The following NEK10 variants were observed in gnomAD, a reference collection of about 807,000 sequenced individuals.
The protein encoded by NEK10 is NIMA related kinase 10.
In NEK10, 122 loss-of-function variants were observed where a neutral mutation model predicts 159.8. That is an observed-to-expected ratio of 0.76 (90% CI 0.66 to 0.89). The LOEUF (loss-of-function observed/expected upper bound fraction) is 0.89. NEK10 is among the 40% of genes least tolerant of loss of function. The pLI, the probability that NEK10 is intolerant of heterozygous loss-of-function variation, is 0.00. For missense variants in NEK10, 1,342 were observed against 1,323.1 expected (o/e 1.01, Z -0.22); for synonymous variants, 466 against 457.1 (o/e 1.02, Z -0.25).
At chr3:27,261,021 A>T (rs2040364338) in intron 22 of NEK10, among the ~76,000 whole-genome samples, 1 of 152,270 alleles carries the variant, frequency 6.6e-6, no homozygotes, top group African/African-American at 2.4e-5. Flanking sequence ...AGGTGTTTAT[A>T]GTATTCTCTG....
rs1255337600 is a variant in NEK10, at chr3:27,301,710, A to G, written c.1154T>C (p.Phe385Ser). Residue 385 changes from phenylalanine to serine, a missense_variant, in exon 13 of 36, where the codon TTC becomes TCC. Transcript: ENST00000691995. ...AACATAAATACCTGCTTGAAGTGAG[A>G]AAGTATTTTCTTGTATTTCCCTAGG... ...LSPREIQENT[F>S]SLQAACCAAL... The G allele has an allele frequency of 3.2e-6, 5 of 1,568,776 alleles. No individual in the cohort carries two copies. The South Asian group carries it at 5.8e-5, about 18-fold the overall frequency.
At chr3:27,218,825 A>G (rs1014371922) in intron 23 of NEK10, among the ~76,000 whole-genome samples, 7 of 152,008 alleles carry the variant, frequency 4.6e-5, no homozygotes, top group Admixed American at 1.3e-4. Context: ...AAAAGCACTC[A>G]GCTAGGAACA....
intron 33 of NEK10, among the ~76,000 whole-genome samples, chr3:27,117,814 C>T (rs185679108): frequency 7.2e-5 from 11 of 152,192 alleles, no homozygotes; most frequent in Middle Eastern, 3.4e-3. Context: ...TGTGCAGAAG[C>T]TCTTTAATTA....
rs1470117093 is a variant in NEK10 at position 27,174,770 on chromosome 3, G to A, written c.2569C>T (p.Leu857Phe). Reference sequence around the variant, plus strand: ...GGGGGCAGGTCTGCGCTTTCTGAAAGTTCACTTTTCAGGCTGGCTGCTCCA... The same window carrying A: ...GGGGGCAGGTCTGCGCTTTCTGAAAATTCACTTTTCAGGCTGGCTGCTCCA... The part of the protein sequence containing the change: ...SSGAASLKSE[L>F]SESADLPPEG... The change falls in exon 27 of 36, where the codon CTT becomes TTT. Residue 857 changes from leucine (L) to phenylalanine (F), a missense_variant. Leu to Phe is a conservative substitution (Grantham distance 22). Transcript: ENST00000691995. The A allele has an allele frequency of 1.9e-6, 3 of 1,612,572 alleles. No individual in the cohort carries two copies. Among genetic ancestry groups the A allele is most frequent in the Non-Finnish European group, 1.7e-6 (2 of 1,179,520 alleles).
At chr3:27,312,632 C>T (rs1308184672) in intron 7 of NEK10, among the ~76,000 whole-genome samples, 1 of 152,052 alleles carries the variant, frequency 6.6e-6, no homozygotes, top group African/African-American at 2.4e-5. Flanking sequence ...ATGCAGTTAG[C>T]AATAATCAGA....
chr3:27,274,451 TAATGGG>T (rs1197144198), intron 22 of NEK10, among the ~76,000 whole-genome samples: 1 of 152,126 alleles, frequency 6.6e-6, no homozygotes, highest in Non-Finnish European at 1.5e-5. Flanking sequence ...TATCTGGGGT[TAATGGG>T]AAGTAAACCA....
At position 27,358,832 on chromosome 3, in the gene NEK10, A is replaced by C. The variant is rs145375578; in HGVS notation, c.-37-5913T>G. On this transcript the variant is annotated intron_variant, in intron 1 of 35. Coordinates refer to ENST00000691995, the MANE Select transcript of NEK10 (RefSeq NM_001394966.1). ...AATCCACAAATATCTTTTTTTTCCT[A>C]CTAATCACTCAGGTTGCATCTTTGT... Among the ~76,000 whole-genome samples the C allele has an allele frequency of 1.9e-3, 293 of 152,236 alleles. 1 individual carries two copies. The highest frequency in any genetic ancestry group is 7.6e-4 in the Non-Finnish European group (52 of 68,012).
intron 23 of NEK10, among the ~76,000 whole-genome samples, chr3:27,247,064 T>C (rs937464477): frequency 2.0e-5 from 3 of 152,210 alleles, no homozygotes; most frequent in Non-Finnish European, 2.9e-5. Context: ...TCATATCATC[T>C]GCAAACAAGG....
At chr3:27,317,391 C>A (rs1048117351) in intron 6 of NEK10, among the ~76,000 whole-genome samples, 3 of 152,208 alleles carry the variant, frequency 2.0e-5, no homozygotes, top group Admixed American at 6.5e-5. Flanking sequence ...CAGCATCTTT[C>A]ACTTGTCACA....
At chr3:27,241,737 A>C (rs544009432) in intron 23 of NEK10, among the ~76,000 whole-genome samples, 1 of 152,342 alleles carries the variant, frequency 6.6e-6, no homozygotes, top group South Asian at 2.1e-4. Flanking sequence ...CCTTCAGGGC[A>C]ACCCAAACTA....
At chr3:27,243,660 C>T (rs6779140) in intron 23 of NEK10, among the ~76,000 whole-genome samples, 96,683 of 152,074 alleles carry the variant, frequency 0.64, 33,092 homozygotes, top group African/African-American at 0.91. Context: ...ACATTTATTA[C>T]ATAGAAAACA....
At chr3:27,132,311 A>G (rs1282696885) in intron 31 of NEK10, among the ~76,000 whole-genome samples, 2 of 152,236 alleles carry the variant, frequency 1.3e-5, no homozygotes. Flanking sequence ...GTCTTGACAC[A>G]GAATGGTGCA....
intron 22 of NEK10, among the ~76,000 whole-genome samples, chr3:27,260,058 T>C (rs1370924179): frequency 6.6e-6 from 1 of 152,208 alleles, no homozygotes; most frequent in Non-Finnish European, 1.5e-5. Context: ...GTGATTTTTG[T>C]ACATTAATTT....
chr3:27,133,761 C>T (rs749512752), intron 31 of NEK10, among the ~76,000 whole-genome samples: 3 of 152,006 alleles, frequency 2.0e-5, no homozygotes, highest in Admixed American at 6.6e-5. Flanking sequence ...GCAATGAGAG[C>T]GAAACTCCAT....
chr3:27,274,414 C>T lies in NEK10; in HGVS notation c.2014+10188G>A, dbSNP rs915065096. Among the ~76,000 whole-genome samples, 6 of 152,172 alleles carry T rather than the reference C, an allele frequency of 3.9e-5. No individual in the cohort carries two copies. In the South Asian group the frequency reaches 1.2e-3, roughly 32 times the overall value. On this transcript the variant is annotated intron_variant, in intron 22 of 35. Transcript: ENST00000691995. ...ACTGGATCCTTGGGAAAACTAATGTCCTTAGCTCAGACTCAAATAGACACT... is the reference window on the plus strand; with the variant it reads ...ACTGGATCCTTGGGAAAACTAATGTTCTTAGCTCAGACTCAAATAGACACT...
At chr3:27,133,737 G>T (rs1214044163) in intron 31 of NEK10, among the ~76,000 whole-genome samples, 1 of 152,222 alleles carries the variant, frequency 6.6e-6, no homozygotes, top group African/African-American at 2.4e-5. Context: ...TAATGCCATT[G>T]CACTCCAGCC....
chr3:27,138,139 C>T (rs1287317098), intron 31 of NEK10, among the ~76,000 whole-genome samples: 1 of 152,162 alleles, frequency 6.6e-6, no homozygotes. Flanking sequence ...CATGTGGGAC[C>T]CCTAGAGGTT....
Position 27,293,667 on chromosome 3 carries a change from G to A in NEK10, c.1309-15C>T, listed in dbSNP as rs774010592. On this transcript the variant is annotated splice_polypyrimidine_tract_variant and intron_variant, in intron 15 of 35. Coordinates refer to ENST00000691995, the MANE Select transcript of NEK10 (RefSeq NM_001394966.1). ...AAAGCATAACACTAGAAAACAAAAG[G>A]ATATGTGATTCTCAAATGGTAGCTC... The A allele has an allele frequency of 2.1e-6, 3 of 1,424,258 alleles. No homozygotes were observed. The African/African-American group carries it at 4.3e-5, about 20-fold the overall frequency. 88.2% of individuals were successfully genotyped at this position (1,424,258 alleles called of 1,614,324 possible). A position where few individuals can be genotyped will look rare whatever the true frequency, so the allele number is the denominator to read the frequency against.
In NEK10 at chr3:27,321,365, A is replaced by T. The variant is rs542668582; in HGVS notation, c.447+812T>A. Among the ~76,000 whole-genome samples the T allele has an allele frequency of 1.2e-4, 18 of 152,236 alleles. No homozygotes were observed. The South Asian group carries it at 3.7e-3, about 32-fold the overall frequency. ...TCCAGGTGATTCCCATGCACATTAA[A>T]GTTTGAGAGGCACTAAAAACAGAGG... On this transcript the variant is annotated intron_variant, in intron 6 of 35. Coordinates refer to ENST00000691995, the MANE Select transcript of NEK10 (RefSeq NM_001394966.1).
Sources: gnomAD v4.1 joint callset for allele counts (sites outside exome capture counted in the v4.1 genomes callset) on GRCh38, gnomAD v4.1.1 for gene constraint, MANE v1.5 for transcripts, NCBI Gene and HGNC (gene_info 2026-07-23, HGNC 2026-07-21) for gene names.